Variants in AP5M1 observed in about 807,000 individuals in gnomAD.
The protein encoded by AP5M1 is AP-5 complex subunit mu-1.
AP5M1 carries 44 observed loss-of-function variants against 52.3 expected under a neutral mutation model. The ratio of observed to expected loss-of-function variants is 0.84; its 90% confidence interval spans 0.66 to 1.08. AP5M1 has a LOEUF of 1.08. Ranked by LOEUF, AP5M1 falls within the 50% of genes least tolerant of loss-of-function variation. The pLI, the probability that AP5M1 is intolerant of heterozygous loss-of-function variation, is 0.00. For missense variants in AP5M1, 526 were observed against 568.4 expected, an observed-to-expected ratio of 0.93 and a Z score of 0.76; for synonymous variants, 213 against 199.0, an observed-to-expected ratio of 1.07 and a Z score of -0.59.
In AP5M1 at chr14:57,295,065, A is replaced by T. The variant is rs964862539; in HGVS notation, c.*6181A>T. 2.0e-5 allele frequency: 3 copies of T among 151,898 alleles called. No homozygotes were observed. The highest frequency in any genetic ancestry group is 7.2e-5 in the African/African-American group (3 of 41,418). 9.4% of individuals were successfully genotyped at this position (151,898 alleles called of 1,614,324 possible). A position where few individuals can be genotyped will look rare whatever the true frequency, so the allele number is the denominator to read the frequency against. Reference sequence around the variant, plus strand: ...AGCAAAAGGCAAAGGTTCCATCACCATCCTGTGGAAATACGTGAGTTGTTC... The same window carrying T: ...AGCAAAAGGCAAAGGTTCCATCACCTTCCTGTGGAAATACGTGAGTTGTTC... On this transcript the variant is annotated 3_prime_UTR_variant, in exon 8 of 8. Transcript: ENST00000261558.
chr14:57,274,775 G>T lies in AP5M1; in HGVS notation c.606G>T (p.Thr202=). The change falls in exon 2 of 8, where the codon ACG becomes ACT. Residue 202 remains threonine, a synonymous_variant. Transcript: ENST00000261558. ...PQKQPAWKTG[T]YKGKPQVSIS... is the part of the protein sequence containing the mutation. The stretch of plus-strand genomic sequence containing the variant: ...AACAGCCAGCTTGGAAAACTGGGAC[G>T]TACAAAGGAAAACCACAAGTTTCTA... 1.2e-6 allele frequency: 2 copies of T among 1,614,120 alleles called. No individual in the cohort carries two copies. The highest frequency in any genetic ancestry group is 1.7e-6 in the Non-Finnish European group (2 of 1,180,024).
intron 1 of AP5M1, among the ~76,000 whole-genome samples, chr14:57,269,958 G>T (rs868177572): frequency 1.3e-5 from 2 of 152,026 alleles, no homozygotes; most frequent in African/African-American, 2.4e-5. Context: ...ACAGGCACCC[G>T]CCACCACGCC....
chr14:57,286,445 G>C (rs1885310916), intron 7 of AP5M1, 126 bp downstream of exon 7: 1 of 666,168 alleles, frequency 1.5e-6, no homozygotes, highest in Non-Finnish European at 2.6e-6. Flanking sequence ...TAAAATTCTG[G>C]GCTGATTCTA....
chr14:57,277,773 AAGAT>A (rs1229589782), intron 2 of AP5M1, among the ~76,000 whole-genome samples: 3 of 151,920 alleles, frequency 2.0e-5, no homozygotes, highest in East Asian at 1.9e-4. Context: ...TAATTAGAAA[AAGAT>A]AGCCACTCAG....
At position 57,274,131 on chromosome 14, in the gene AP5M1, G is replaced by A. The variant is rs944901598; in HGVS notation, c.75-113G>A. 80 of 1,168,370 alleles carry A rather than the reference G, an allele frequency of 6.8e-5. No homozygotes were observed. The Admixed American group carries it at 1.0e-3, about 15-fold the overall frequency. The allele number at this position is 1,168,370 out of a possible 1,614,324, so 72.4% of individuals were successfully genotyped here. ...GGATGTGTGTATATATTTGTTTCTCGTGTATTTTATTGTTATTACTGTTTG... is the reference window on the plus strand; with the variant it reads ...GGATGTGTGTATATATTTGTTTCTCATGTATTTTATTGTTATTACTGTTTG... On this transcript the variant is annotated intron_variant, in intron 1 of 7. Transcript: ENST00000261558.
At chr14:57,280,149 A>G (rs1050164847) in intron 2 of AP5M1, 46 bp from the exon 3 acceptor site, 10 of 1,431,086 alleles carry the variant, frequency 7.0e-6, no homozygotes, top group Middle Eastern at 1.7e-4. Flanking sequence ...TCAAACAGAC[A>G]TTTGCTTCTG....
At position 57,269,190 on chromosome 14, in the gene AP5M1, A is replaced by T. The variant is rs1884809115; in HGVS notation, c.-125A>T. ...AAAGCTAACCTCTCTGCTGAGCGCG[A>T]CCGGTATGCGGCGCAGGATGAGCCT... On this transcript the variant is annotated 5_prime_UTR_variant, in exon 1 of 8. Coordinates refer to ENST00000261558, the MANE Select transcript of AP5M1 (RefSeq NM_018229.4). The T allele has an allele frequency of 1.1e-6, 1 of 888,822 alleles. No individual in the cohort carries two copies. Among genetic ancestry groups the T allele is most frequent in the Non-Finnish European group, 1.8e-6 (1 of 563,716 alleles). 55.1% of individuals were successfully genotyped at this position (888,822 alleles called of 1,614,324 possible). A position where few individuals can be genotyped will look rare whatever the true frequency, so the allele number is the denominator to read the frequency against.
chr14:57,282,010 G>C (rs745609673), intron 3 of AP5M1, 79 bp from the exon 4 acceptor site: 186 of 1,255,390 alleles, frequency 1.5e-4, no homozygotes, highest in Non-Finnish European at 1.9e-4. Context: ...GTCATTAAAA[G>C]TAACTCTTTT....
chr14:57,285,270 C>A (rs576192397), intron 6 of AP5M1, among the ~76,000 whole-genome samples: 7 of 152,230 alleles, frequency 4.6e-5, no homozygotes, highest in African/African-American at 1.7e-4. Flanking sequence ...ACTTCAGATA[C>A]CTTTCAGAAA....
At chr14:57,271,317 T>A (rs1204456492) in intron 1 of AP5M1, 2 of 152,268 alleles carry the variant, frequency 1.3e-5, no homozygotes, top group Non-Finnish European at 2.9e-5. Context: ...CCAAATAATC[T>A]GCTCCACAGA....
chr14:57,269,010 C>G lies in AP5M1; in HGVS notation c.-305C>G. ...CGTGTATGAGGAACTTTGATCCTTG[C>G]GGGCCACCATTCCGGAAGTAGAATT... On this transcript the variant is annotated 5_prime_UTR_variant, in exon 1 of 8. Transcript: ENST00000261558. 1 of 552,136 alleles carries G rather than the reference C, an allele frequency of 1.8e-6. No homozygotes were observed. The highest frequency in any genetic ancestry group is 4.7e-4 in the Middle Eastern group (1 of 2,126). The allele number at this position is 552,136 out of a possible 1,614,324, so 34.2% of individuals were successfully genotyped here.
intron 1 of AP5M1, among the ~76,000 whole-genome samples, chr14:57,272,865 G>C (rs368985247): frequency 3.3e-5 from 5 of 152,210 alleles, no homozygotes; most frequent in East Asian, 1.9e-4. Context: ...CCTACACATG[G>C]GTAACTGCTT....
At chr14:57,275,808 A>T (rs1885020795) in intron 2 of AP5M1, among the ~76,000 whole-genome samples, 1 of 152,226 alleles carries the variant, frequency 6.6e-6, no homozygotes, top group Admixed American at 6.5e-5. Flanking sequence ...ACACAACGTA[A>T]ATAACAATAC....
chr14:57,289,214 A>G lies in AP5M1; in HGVS notation c.*330A>G, dbSNP rs1443475000. On this transcript the variant is annotated 3_prime_UTR_variant, in exon 8 of 8. Transcript: ENST00000261558. The stretch of plus-strand genomic sequence containing the variant: ...TTTCTGTGGCAGACATTGCTAATCA[A>G]TTACAGCCCTTTTCTGTACTGAGCC... The G allele has an allele frequency of 5.6e-6, 1 of 178,098 alleles. No individual in the cohort carries two copies. The highest frequency in any genetic ancestry group is 2.4e-5 in the African/African-American group (1 of 41,746). The allele number at this position is 178,098 out of a possible 1,614,324, so 11.0% of individuals were successfully genotyped here. A position where few individuals can be genotyped will look rare whatever the true frequency, so the allele number is the denominator to read the frequency against.
intron 1 of AP5M1, among the ~76,000 whole-genome samples, chr14:57,270,719 A>G (rs1884872391): frequency 2.0e-5 from 3 of 152,178 alleles, no homozygotes; most frequent in Admixed American, 2.0e-4. Context: ...TTGGTTACCT[A>G]TTTCTAACTG....
intron 7 of AP5M1, among the ~76,000 whole-genome samples, chr14:57,286,975 A>G (rs1055950139): frequency 6.9e-6 from 1 of 145,378 alleles, no homozygotes; most frequent in African/African-American, 2.8e-5. Context: ...GTATAGATCT[A>G]TATGTGTGTA....
rs1884978011 is a variant in AP5M1, at chr14:57,274,692, G to A, written c.523G>A (p.Ala175Thr). The A allele has an allele frequency of 6.2e-7, 1 of 1,614,010 alleles. No homozygotes were observed. The highest frequency in any genetic ancestry group is 1.7e-5 in the Admixed American group (1 of 59,992). The stretch of plus-strand genomic sequence containing the variant: ...TTGTCCATTTGGTACTTTATTAGAT[G>A]CCAACTTACAGAATTCATTAGATAA... ...QACPFGTLLD[A>T]NLQNSLDNTN... Residue 175 changes from alanine (A) to threonine (T), a missense_variant, in exon 2 of 8, where the codon GCC becomes ACC. Physicochemically the swap from Ala to Thr is moderately conservative, Grantham distance 58. Around this residue, in one of 3 missense-constraint regions of AP5M1, gnomAD observed 425 missense variants for 430.6 expected, o/e 0.99. Coordinates refer to ENST00000261558, the MANE Select transcript of AP5M1 (RefSeq NM_018229.4).
chr14:57,287,782 T>C (rs1885342976), intron 7 of AP5M1, among the ~76,000 whole-genome samples: 1 of 152,154 alleles, frequency 6.6e-6, no homozygotes, highest in African/African-American at 2.4e-5. Context: ...AAAAATAGTT[T>C]AGTAATAATA....
rs1885568621 is a variant in AP5M1 at position 57,297,091 on chromosome 14, ATTATAGT to A, written c.*8208_*8214del. On this transcript the variant is annotated 3_prime_UTR_variant, in exon 8 of 8. Coordinates refer to ENST00000261558, the MANE Select transcript of AP5M1 (RefSeq NM_018229.4). Reference sequence around the variant, plus strand: ...CCTGATATAGCAGAAGGAAATAAAGATTATAGTAAGTATATTCATGAGAGAGAATTTT... The same window carrying A: ...CCTGATATAGCAGAAGGAAATAAAGAAAGTATATTCATGAGAGAGAATTTT... The A allele has an allele frequency of 6.6e-6, 1 of 152,206 alleles. No homozygotes were observed. Among genetic ancestry groups the A allele is most frequent in the Admixed American group, 6.6e-5 (1 of 15,246 alleles). 9.4% of individuals were successfully genotyped at this position (152,206 alleles called of 1,614,324 possible). A position where few individuals can be genotyped will look rare whatever the true frequency, so the allele number is the denominator to read the frequency against.
Sources: gnomAD v4.1 joint callset for allele counts (sites outside exome capture counted in the v4.1 genomes callset) on GRCh38, gnomAD v4.1.1 for gene constraint, gnomAD v4.1.1 regional missense constraint, MANE v1.5 for transcripts, NCBI Gene and HGNC (gene_info 2026-07-23, HGNC 2026-07-21) for gene names.